RPS20: variants seen among roughly 807,000 people sequenced by gnomAD.
The protein encoded by RPS20 is small ribosomal subunit protein uS10.
RPS20 carries 3 observed loss-of-function variants against 15.3 expected under a neutral mutation model. The observed-to-expected ratio is 0.20, with a 90% confidence interval of 0.09 to 0.51. RPS20 has a LOEUF of 0.51. Among genes scored for constraint, RPS20 ranks in the 20% least tolerant of loss-of-function variants. The pLI, the probability that RPS20 is intolerant of heterozygous loss-of-function variation, is 0.96. For synonymous variants in RPS20, 62 were observed against 47.8 expected (o/e 1.30, Z -1.23); for missense variants, 67 against 145.9 (o/e 0.46, Z 2.79).
chr8:56,072,937 G>T (rs1240064575), downstream of RPS20: 1 of 1,380,626 alleles, frequency 7.2e-7, no homozygotes, highest in African/African-American at 1.4e-5. Flanking sequence ...AAACGACAAC[G>T]AAAACAGGAT....
At chr8:56,070,636 G>T (rs549234372), downstream of RPS20, among the ~76,000 whole-genome samples, 5 of 152,060 alleles carry the variant, frequency 3.3e-5, no homozygotes, top group African/African-American at 1.2e-4. Flanking sequence ...GGTTGAGGCA[G>T]GAGGATCGGT....
downstream of RPS20, chr8:56,069,785 A>G (rs1809702961): frequency 1.9e-6 from 3 of 1,551,256 alleles, no homozygotes; most frequent in Non-Finnish European, 2.6e-6. Flanking sequence ...CTCAAAGTGT[A>G]CTGCTGGCCC....
downstream of RPS20, among the ~76,000 whole-genome samples, chr8:56,072,214 C>A (rs1428581935): frequency 6.7e-6 from 1 of 149,992 alleles, no homozygotes; most frequent in South Asian, 2.1e-4. Context: ...ACTGCAGAGA[C>A]CCTGTCTAAA....
At chr8:56,072,055 C>A (rs1585721051), downstream of RPS20, among the ~76,000 whole-genome samples, 1 of 152,092 alleles carries the variant, frequency 6.6e-6, no homozygotes, top group Non-Finnish European at 1.5e-5. Flanking sequence ...CCAGCCTGGG[C>A]AACATGGCAA....
At chr8:56,072,385 C>T (rs1809788628), downstream of RPS20, among the ~76,000 whole-genome samples, 1 of 151,988 alleles carries the variant, frequency 6.6e-6, no homozygotes, top group Non-Finnish European at 1.5e-5. Context: ...AACCCCATCT[C>T]TACTATAAAA....
intron 3 of RPS20, 39 bp from the exon 4 acceptor site, chr8:56,073,311 T>C (rs1359805193): frequency 7.8e-7 from 1 of 1,286,844 alleles, no homozygotes; most frequent in African/African-American, 1.5e-5. Context: ...GTTTATCGTT[T>C]TATACTTATC....
intron 2 of RPS20, 58 bp from the exon 3 acceptor site, chr8:56,073,826 C>T (rs943420423): frequency 6.8e-7 from 1 of 1,473,068 alleles, no homozygotes; most frequent in Non-Finnish European, 9.5e-7. Context: ...GGCTTAAGGC[C>T]TTCACTTCTG....
chr8:56,069,977 G>A, downstream of RPS20: 2 of 642,266 alleles, frequency 3.1e-6, no homozygotes, highest in East Asian at 5.5e-5. Context: ...ATCTAGAGAT[G>A]ACAAATTATA....
downstream of RPS20, chr8:56,072,857 C>T (rs1809802969): frequency 8.1e-7 from 1 of 1,229,278 alleles, no homozygotes; most frequent in Non-Finnish European, 1.0e-6. Flanking sequence ...TTATAAACTG[C>T]CAGTGTCCAA....
In RPS20 at chr8:56,073,678, C is replaced by G. The variant is rs755115230; in HGVS notation, c.177+17G>C. 1 of 1,608,066 alleles carries G rather than the reference C, an allele frequency of 6.2e-7. No homozygotes were observed. Among genetic ancestry groups the G allele is most frequent in the South Asian group, 1.1e-5 (1 of 90,918 alleles). ...CCGGAAGCAACTCCTACTTCCTGCC[C>G]CTCCGATTTACTTTACCTTGGTAGG... On this transcript the variant is annotated intron_variant, in intron 3 of 3. Transcript: ENST00000009589.
chr8:56,073,501 C>T, intron 3 of RPS20, 194 bp downstream of exon 3: 1 of 645,872 alleles, frequency 1.5e-6, no homozygotes, highest in East Asian at 2.7e-5. Flanking sequence ...ACACCAAGAA[C>T]ACAGCAACAA....
exon 6 of RPS20, chr8:56,067,369 G>A (rs1451867765): frequency 6.6e-6 from 1 of 152,084 alleles, no homozygotes; most frequent in East Asian, 1.9e-4. Context: ...CATACATTGA[G>A]ATATTATTCA....
At chr8:56,073,928 A>G (rs1285234582) in intron 2 of RPS20, 132 bp downstream of exon 2, 1 of 1,104,516 alleles carries the variant, frequency 9.1e-7, no homozygotes, top group South Asian at 1.2e-5. Context: ...AGCAATTTTA[A>G]GCCACGCTTT....
downstream of RPS20, chr8:56,068,463 A>C (rs1809665370): frequency 6.6e-6 from 1 of 151,280 alleles, no homozygotes; most frequent in South Asian, 2.1e-4. Context: ...ACTTGAACCC[A>C]GGAGGCAGAG....
chr8:56,073,973 A>G, intron 2 of RPS20, 87 bp downstream of exon 2: 5 of 1,208,984 alleles, frequency 4.1e-6, no homozygotes, highest in Non-Finnish European at 6.2e-6. Context: ...TAGTTCTTGC[A>G]GTCCACCTTC....
chr8:56,068,621 A>C (rs1400732599), downstream of RPS20: 1 of 151,456 alleles, frequency 6.6e-6, no homozygotes, highest in Non-Finnish European at 1.5e-5. Context: ...AATCAATAGG[A>C]GTCCCAGAAA....
downstream of RPS20, among the ~76,000 whole-genome samples, chr8:56,071,496 G>C (rs1387955538): frequency 6.6e-6 from 1 of 152,190 alleles, no homozygotes; most frequent in Non-Finnish European, 1.5e-5. Context: ...ATGTTAACTG[G>C]GTTTGTCTTG....
downstream of RPS20, among the ~76,000 whole-genome samples, chr8:56,069,358 C>T (rs897458874): frequency 1.3e-5 from 2 of 151,864 alleles, no homozygotes; most frequent in Non-Finnish European, 2.9e-5. Flanking sequence ...CCACTATACT[C>T]GACAATCTCA....
downstream of RPS20, chr8:56,069,787 T>C (rs1475283620): frequency 6.4e-7 from 1 of 1,551,006 alleles, no homozygotes; most frequent in East Asian, 2.4e-5. Flanking sequence ...CAAAGTGTAC[T>C]GCTGGCCCTC....
Sources: allele counts gnomAD v4.1 joint callset (sites outside exome capture counted in the v4.1 genomes callset), GRCh38; gene constraint gnomAD v4.1.1; transcripts MANE v1.5; gene names NCBI Gene and HGNC (gene_info 2026-07-23, HGNC 2026-07-21).